Variants in INAVA observed in about 807,000 individuals in gnomAD.
INAVA encodes innate immunity activator protein.
A neutral mutation model predicts 55.3 loss-of-function variants in INAVA; 32 were observed. The observed-to-expected ratio is 0.58, with a 90% CI of 0.44 to 0.78. The LOEUF (loss-of-function observed/expected upper bound fraction) is 0.78, where lower values mean the gene tolerates loss of function less well. Among genes scored for constraint, INAVA ranks in the 30% least tolerant of loss-of-function variants. The pLI is 0.00. For synonymous variants in INAVA, 294 were observed against 329.4 expected (o/e 0.89, Z 1.16); for missense variants, 756 against 786.4 (o/e 0.96, Z 0.46).
At chr1:200,911,150 TGTAGTACTTTAAAAAAAGTACTTAA>T (rs1557969771) in intron 8 of INAVA, among the ~76,000 whole-genome samples, 1 of 149,932 alleles carries the variant, frequency 6.7e-6, no homozygotes, top group Non-Finnish European at 1.5e-5. Context: ...AAGTACTTAA[TGTAGTACTTTAAAAAAAGTACTTAA>T]TGTGCTACTT....
intron 5 of INAVA, among the ~76,000 whole-genome samples, chr1:200,905,572 T>G (rs937240248): frequency 6.6e-6 from 1 of 152,162 alleles, no homozygotes; most frequent in Non-Finnish European, 1.5e-5. Context: ...GTTAAACCTT[T>G]GTGGAGCAAA....
chr1:200,909,599 G>A (rs12131796), intron 8 of INAVA, among the ~76,000 whole-genome samples: 32,465 of 152,144 alleles, frequency 0.21, 3,835 homozygotes, highest in Non-Finnish European at 0.28. Context: ...TGAAGCAAGT[G>A]GTTTTCTTCC....
chr1:200,908,654 G>A, intron 6 of INAVA, 76 bp from the exon 7 acceptor site: 19 of 1,280,796 alleles, frequency 1.5e-5, no homozygotes, highest in Non-Finnish European at 1.9e-5. Context: ...CGAGGCATGG[G>A]CTGTGGTTTG....
In INAVA at chr1:200,908,910, G is replaced by A. The variant is rs1422067556; in HGVS notation, c.755G>A (p.Arg252Lys). ...CTGGACCACCCCTATGAGAAGCCCA[G>A]GAAGTCTTCTGAGCCCTGGAGCGAG... ...TSLDHPYEKP[R>K]KSSEPWSESS... Residue 252 changes from arginine to lysine, a missense_variant, in exon 7 of 10, where the codon AGG (arginine) becomes AAG (lysine). By Grantham distance (26) the Arg-to-Lys change is conservative. Coordinates refer to ENST00000413687, the MANE Select transcript of INAVA (RefSeq NM_001142569.3). 1.9e-6 allele frequency: 3 copies of A among 1,613,578 alleles called. No homozygotes were observed. Among genetic ancestry groups the A allele is most frequent in the African/African-American group, 1.3e-5 (1 of 74,894 alleles).
Position 200,908,711 on chromosome 1 carries a change from G to T in INAVA, c.575-19G>T. 2.0e-6 allele frequency: 3 copies of T among 1,531,036 alleles called. No homozygotes were observed. The highest frequency in any genetic ancestry group is 2.6e-6 in the Non-Finnish European group (3 of 1,139,762). The allele number at this position is 1,531,036 out of a possible 1,614,324, so 94.8% of individuals were successfully genotyped here. A position where few individuals can be genotyped will look rare whatever the true frequency, so the allele number is the denominator to read the frequency against. On this transcript the variant is annotated intron_variant, in intron 6 of 9. Transcript: ENST00000413687. ...TTCCCCCAGCCTCTGGCCTTACCAG[G>T]TTTCTTTTACTCCTGCAGAGGAATC...
intron 6 of INAVA, chr1:200,908,233 G>T (rs564622017): frequency 4.1e-6 from 1 of 242,046 alleles, no homozygotes; most frequent in Non-Finnish European, 8.0e-6. Context: ...CACAATCATT[G>T]CTGTTTTTTA....
At chr1:200,899,637 T>G (rs1365845679) in intron 3 of INAVA, 40 bp downstream of exon 3, 2 of 1,604,656 alleles carry the variant, frequency 1.2e-6, no homozygotes, top group South Asian at 1.1e-5. Flanking sequence ...CGGGTTCATC[T>G]CAGGAGCTGT....
upstream of INAVA, chr1:200,894,744 C>T: frequency 1.0e-6 from 1 of 968,762 alleles, no homozygotes; most frequent in Non-Finnish European, 1.2e-6. Context: ...CCATGGGAGC[C>T]CCTTTTTCCC....
At chr1:200,903,753 G>A (rs1259272955) in intron 5 of INAVA, among the ~76,000 whole-genome samples, 4 of 137,802 alleles carry the variant, frequency 2.9e-5, no homozygotes, top group African/African-American at 8.2e-5. Flanking sequence ...GCGGTGAGCC[G>A]AGATTGCACC....
intron 5 of INAVA, among the ~76,000 whole-genome samples, chr1:200,901,394 T>A (rs1469122698): frequency 6.6e-6 from 1 of 152,222 alleles, no homozygotes; most frequent in African/African-American, 2.4e-5. Context: ...CGTATCCTCC[T>A]CAAAATACAC....
chr1:200,908,488 G>A (rs1187023736), intron 6 of INAVA: 1 of 429,582 alleles, frequency 2.3e-6, no homozygotes, highest in African/African-American at 2.0e-5. Context: ...GTAAGCCCAA[G>A]AGAGTCAATC....
rs913396786 is a variant in INAVA, at chr1:200,898,238, A to G, written c.-94-69A>G. On this transcript the variant is annotated intron_variant, in intron 1 of 9. Coordinates refer to ENST00000413687, the MANE Select transcript of INAVA (RefSeq NM_001142569.3). The stretch of plus-strand genomic sequence containing the variant: ...TCCACTCCCCTGCTCTCAAGCATCT[A>G]TTCAGCTTTTTGTAACCAAGATGGT... The G allele has an allele frequency of 2.0e-6, 3 of 1,527,438 alleles. No homozygotes were observed. In the East Asian group the frequency reaches 6.8e-5, roughly 34 times the overall value. 94.6% of individuals were successfully genotyped at this position (1,527,438 alleles called of 1,614,324 possible). A position where few individuals can be genotyped will look rare whatever the true frequency, so the allele number is the denominator to read the frequency against.
At chr1:200,899,756 T>C (rs1445878496) in intron 3 of INAVA, among the ~76,000 whole-genome samples, 159 bp downstream of exon 3, 1 of 152,164 alleles carries the variant, frequency 6.6e-6, no homozygotes, top group African/African-American at 2.4e-5. Flanking sequence ...ATGCAGTGTT[T>C]GACCTTGTGC....
At chr1:200,891,596 A>C, upstream of INAVA, 1 of 1,573,770 alleles carries the variant, frequency 6.4e-7, no homozygotes, top group South Asian at 1.2e-5. Flanking sequence ...GGCCGCAGGG[A>C]GGCTCGGGGG....
upstream of INAVA, chr1:200,891,738 A>G (rs1188292296): frequency 1.1e-5 from 16 of 1,402,300 alleles, no homozygotes; most frequent in South Asian, 2.3e-4. Flanking sequence ...AGTGCGGGTG[A>G]ACTGGGGCGG....
chr1:200,898,556 C>A, intron 2 of INAVA, 101 bp downstream of exon 2: 1 of 1,344,190 alleles, frequency 7.4e-7, no homozygotes, highest in Non-Finnish European at 1.0e-6. Context: ...CTAGGGCTGG[C>A]TGGGCTGAGA....
chr1:200,910,836 G>T (rs908188651), intron 8 of INAVA, among the ~76,000 whole-genome samples: 1 of 152,182 alleles, frequency 6.6e-6, no homozygotes, highest in African/African-American at 2.4e-5. Context: ...CCATACCTGG[G>T]TGCATTAGTA....
Position 200,905,412 on chromosome 1 carries a change from C to T in INAVA, c.521-2422C>T, listed in dbSNP as rs554898797. On this transcript the variant is annotated intron_variant, in intron 5 of 9. Coordinates refer to ENST00000413687, the MANE Select transcript of INAVA (RefSeq NM_001142569.3). ...AACTAAAATAAAAAAATTGGATAGG[C>T]ATGGTTGTGGACACCTATAGTCCCA... Among the ~76,000 whole-genome samples the T allele has an allele frequency of 3.3e-5, 5 of 152,238 alleles. No homozygotes were observed. In the South Asian group the frequency reaches 1.0e-3, roughly 32 times the overall value.
intron 6 of INAVA, 37 bp downstream of exon 6, chr1:200,907,924 G>A: frequency 6.4e-7 from 1 of 1,557,124 alleles, no homozygotes; most frequent in Non-Finnish European, 8.9e-7. Context: ...GTCAAGGCTG[G>A]ACTCCTACTG....
Sources: gnomAD v4.1 joint callset for allele counts (sites outside exome capture counted in the v4.1 genomes callset) on GRCh38, gnomAD v4.1.1 for gene constraint, MANE v1.5 for transcripts, NCBI Gene and HGNC (gene_info 2026-07-23, HGNC 2026-07-21) for gene names.